The following SYNE1 variants were observed in gnomAD, a reference collection of about 807,000 sequenced individuals.
SYNE1 encodes spectrin repeat containing nuclear envelope protein 1.
In SYNE1, 616 loss-of-function variants were observed where a neutral mutation model predicts 1,111.0. The ratio of observed to expected loss-of-function variants is 0.55; its 90% confidence interval spans 0.52 to 0.59. The LOEUF is 0.59. SYNE1 is among the 20% of genes least tolerant of loss of function. SYNE1 has a pLI of 0.00. For synonymous variants in SYNE1, 3,855 were observed against 3,825.8 expected, an observed-to-expected ratio of 1.01 and a Z score of -0.28; for missense variants, 10,006 against 10,417.0, an observed-to-expected ratio of 0.96 and a Z score of 1.72.
chr6:152,632,129 G>T (rs181820954), intron 2 of SYNE1, among the ~76,000 whole-genome samples: 1 of 152,222 alleles, frequency 6.6e-6, no homozygotes, highest in African/African-American at 2.4e-5. Flanking sequence ...TCACTCTAAA[G>T]AAACAGTGAA....
At chr6:152,476,840 G>A (rs1456939540) in intron 14 of SYNE1, among the ~76,000 whole-genome samples, 6 of 148,272 alleles carry the variant, frequency 4.0e-5, no homozygotes, top group Middle Eastern at 3.5e-3. Context: ...CTACACTCCC[G>A]CCTCGGCAAC....
chr6:152,184,404 T>C (rs1204030439), intron 128 of SYNE1, among the ~76,000 whole-genome samples: 1 of 138,572 alleles, frequency 7.2e-6, no homozygotes, highest in Non-Finnish European at 1.5e-5. Context: ...ACCACTGCAC[T>C]CCAGCCTGGG....
At chr6:152,486,245 A>C (rs9397516) in intron 12 of SYNE1, among the ~76,000 whole-genome samples, 26,241 of 152,102 alleles carry the variant, frequency 0.17, 2,469 homozygotes, top group Middle Eastern at 0.3. Flanking sequence ...TTAAAAAAAA[A>C]CAAAACATCA....
intron 131 of SYNE1, among the ~76,000 whole-genome samples, chr6:152,160,734 C>T (rs759454307): frequency 7.2e-5 from 11 of 151,994 alleles, no homozygotes; most frequent in Non-Finnish European, 1.0e-4. Flanking sequence ...AATTTTTCTC[C>T]GCTTTCTGAA....
chr6:152,373,727 C>A (rs1015282115), intron 58 of SYNE1, among the ~76,000 whole-genome samples: 5 of 151,948 alleles, frequency 3.3e-5, no homozygotes, highest in Admixed American at 3.3e-4. Context: ...AGGTGGTGAG[C>A]AATCTCATAA....
intron 131 of SYNE1, among the ~76,000 whole-genome samples, chr6:152,158,204 T>G (rs546430845): frequency 1.1e-4 from 17 of 152,348 alleles, no homozygotes; most frequent in African/African-American, 3.8e-4. Context: ...CTATTGAACT[T>G]TTAACTCCAT....
chr6:152,237,024 C>A (rs1412033816), intron 108 of SYNE1, 76 bp from the exon 109 acceptor site: 2 of 1,566,904 alleles, frequency 1.3e-6, no homozygotes. Context: ...GTGCAAAATA[C>A]GTGCCTGACA....
intron 3 of SYNE1, among the ~76,000 whole-genome samples, chr6:152,607,854 T>TA (rs1400384683): frequency 6.6e-6 from 1 of 152,116 alleles, no homozygotes; most frequent in Non-Finnish European, 1.5e-5. Context: ...TATACAGCCA[T>TA]AAAAAGAAAT....
At chr6:152,410,520 A>G (rs1451551407) in intron 42 of SYNE1, 1 of 152,234 alleles carries the variant, frequency 6.6e-6, no homozygotes, top group Non-Finnish European at 1.5e-5. Flanking sequence ...TGATCACTTG[A>G]GGCCAGGAGT....
intron 128 of SYNE1, among the ~76,000 whole-genome samples, chr6:152,185,088 C>A (rs2069432498): frequency 6.6e-6 from 1 of 152,096 alleles, no homozygotes; most frequent in African/African-American, 2.4e-5. Flanking sequence ...TTTGACAAAA[C>A]AACGAGCAAT....
chr6:152,413,622 A>C, intron 41 of SYNE1, 91 bp from the exon 42 acceptor site: 1 of 1,237,582 alleles, frequency 8.1e-7, no homozygotes, highest in South Asian at 1.3e-5. Context: ...TCCATAAAGC[A>C]CTCATTTAGA....
intron 130 of SYNE1, among the ~76,000 whole-genome samples, chr6:152,167,269 T>C (rs756825355): frequency 2.0e-5 from 3 of 152,176 alleles, no homozygotes; most frequent in Non-Finnish European, 4.4e-5. Context: ...TACTTACACA[T>C]ATATGCTTAT....
At chr6:152,632,992 A>G (rs1030253243) in intron 2 of SYNE1, among the ~76,000 whole-genome samples, 2 of 152,176 alleles carry the variant, frequency 1.3e-5, no homozygotes, top group Non-Finnish European at 2.9e-5. Flanking sequence ...AGCTAAAACA[A>G]CGACTGGTGC....
Position 152,242,311 on chromosome 6 carries a change from TCTC to T in SYNE1, c.19819_19821del (p.Glu6607del). 1 of 1,614,086 alleles carries T rather than the reference TCTC, an allele frequency of 6.2e-7. No individual in the cohort carries two copies. The highest frequency in any genetic ancestry group is 8.5e-7 in the Non-Finnish European group (1 of 1,180,016). The stretch of plus-strand genomic sequence containing the variant: ...ATGATTTTCTGGTCTCCTGCCATCT[TCTC>T]CTGACCAGTTTCTAGCAGGTCAGCC... On this transcript the variant is annotated inframe_deletion, in exon 107 of 146. Transcript: ENST00000367255.
rs554732342 is a variant in SYNE1 at position 152,614,906 on chromosome 6, C to G, written c.67+13359G>C. 6.1e-4 allele frequency among the ~76,000 whole-genome samples: 93 copies of G among 152,262 alleles called. 1 individual carries two copies. The highest frequency in any genetic ancestry group is 3.9e-3 in the South Asian group (19 of 4,822). ...GACAGAAAACCAAATACCAAATGTT[C>G]TCACTCATAGGTGGGAACTGAACAA... On this transcript the variant is annotated intron_variant, in intron 3 of 145. Coordinates refer to ENST00000367255, the MANE Select transcript of SYNE1 (RefSeq NM_182961.4).
intron 8 of SYNE1, among the ~76,000 whole-genome samples, chr6:152,507,130 C>T (rs1219796393): frequency 5.3e-5 from 8 of 152,142 alleles, no homozygotes; most frequent in Admixed American, 4.6e-4. Flanking sequence ...GCAGGTTGAA[C>T]AGTATGTCCT....
chr6:152,257,107 C>G (rs1430486368), intron 101 of SYNE1, among the ~76,000 whole-genome samples: 1 of 152,138 alleles, frequency 6.6e-6, no homozygotes, highest in Non-Finnish European at 1.5e-5. Flanking sequence ...CTGAATGTCT[C>G]TACCGCAAAG....
At chr6:152,326,212 C>G in intron 79 of SYNE1, 84 bp downstream of exon 79, 1 of 1,610,898 alleles carries the variant, frequency 6.2e-7, no homozygotes, top group Admixed American at 1.7e-5. Context: ...AATTTACGTG[C>G]TAATGTATAT....
intron 2 of SYNE1, among the ~76,000 whole-genome samples, chr6:152,628,783 T>G (rs1005875637): frequency 6.6e-6 from 1 of 152,220 alleles, no homozygotes; most frequent in African/African-American, 2.4e-5. Flanking sequence ...AAAATTGGGT[T>G]GCTAAAAGAA....
Sources: gnomAD v4.1 joint callset for allele counts (sites outside exome capture counted in the v4.1 genomes callset) on GRCh38, gnomAD v4.1.1 for gene constraint, MANE v1.5 for transcripts, NCBI Gene and HGNC (gene_info 2026-07-23, HGNC 2026-07-21) for gene names.